The following LAMC1 variants were observed in gnomAD, a reference collection of about 807,000 sequenced individuals.
LAMC1 encodes laminin subunit gamma 1.
LAMC1 carries 38 observed loss-of-function variants against 173.6 expected under a neutral mutation model. The ratio of observed to expected loss-of-function variants is 0.22; its 90% confidence interval spans 0.17 to 0.29. The LOEUF (loss-of-function observed/expected upper bound fraction) is 0.29, where lower values mean the gene tolerates loss of function less well. Ranked by LOEUF, LAMC1 falls within the 10% of genes least tolerant of loss-of-function variation. LAMC1 has a pLI of 1.00. For missense variants in LAMC1, 1,824 were observed against 2,051.8 expected (o/e 0.89, Z 2.14); for synonymous variants, 746 against 749.1 (o/e 1.00, Z 0.07).
intron 25 of LAMC1, 48 bp from the exon 26 acceptor site, chr1:183,137,621 A>G (rs1241851203): frequency 2.2e-6 from 3 of 1,389,436 alleles, no homozygotes; most frequent in East Asian, 2.5e-5. Flanking sequence ...CATACTTGAG[A>G]AAAAGGAAAG....
rs1354561389 is a variant in LAMC1, at chr1:183,023,837, A to G, written c.121A>G (p.Thr41Ala). 3.7e-6 allele frequency: 6 copies of G among 1,600,808 alleles called. No homozygotes were observed. The highest frequency in any genetic ancestry group is 3.4e-6 in the Non-Finnish European group (4 of 1,173,282). ...TGCCCAGGCAGCCATGGACGAGTGCACGGACGAGGGCGGGCGGCCGCAGCG... is the reference window on the plus strand; with the variant it reads ...TGCCCAGGCAGCCATGGACGAGTGCGCGGACGAGGGCGGGCGGCCGCAGCG... Reference protein sequence around the residue: ...GCAQAAMDECTDEGGRPQRCM... With the variant: ...GCAQAAMDECADEGGRPQRCM... The change falls in exon 1 of 28, where the codon ACG becomes GCG. Residue 41 changes from threonine to alanine, a missense_variant. Coordinates refer to ENST00000258341, the MANE Select transcript of LAMC1 (RefSeq NM_002293.4).
Position 183,137,780 on chromosome 1 carries a change from A to G in LAMC1, c.4426A>G (p.Lys1476Glu). 1.9e-6 allele frequency: 3 copies of G among 1,611,926 alleles called. No homozygotes were observed. The highest frequency in any genetic ancestry group is 2.5e-6 in the Non-Finnish European group (3 of 1,178,770). The change falls in exon 26 of 28, where the codon AAG becomes GAG. Residue 1476 changes from lysine to glutamate, a missense_variant. Transcript: ENST00000258341. ...ACTGCAGGAAGCAGAAAAAGAGCTA[A>G]AGAGAAAACAAGATGACGCTGACCA... is the stretch of plus-strand genomic sequence containing the variant. ...KQLQEAEKEL[K>E]RKQDDADQDM...
At position 183,121,841 on chromosome 1, in the gene LAMC1, G is replaced by A. The variant is rs1181087694; in HGVS notation, c.2109G>A (p.Met703Ile). 3 of 1,614,082 alleles carry A rather than the reference G, an allele frequency of 1.9e-6. No homozygotes were observed. Among genetic ancestry groups the A allele is most frequent in the East Asian group, 4.5e-5 (2 of 44,892 alleles). The change falls in exon 12 of 28, where the codon ATG (methionine) becomes ATA (isoleucine). Residue 703 changes from methionine to isoleucine, a missense_variant. Physicochemically the swap from Met to Ile is conservative, Grantham distance 10. Transcript: ENST00000258341. Reference protein sequence around the residue: ...PVGYGGQFCEMCLSGYRRETP... With the variant: ...PVGYGGQFCEICLSGYRRETP... ...GATATGGAGGGCAGTTTTGTGAGATGTGCCTCTCAGGTTACAGAAGAGAAA... is the reference window on the plus strand; with the variant it reads ...GATATGGAGGGCAGTTTTGTGAGATATGCCTCTCAGGTTACAGAAGAGAAA...
intron 1 of LAMC1, among the ~76,000 whole-genome samples, chr1:183,061,832 G>C (rs1324474146): frequency 6.6e-6 from 1 of 152,196 alleles, no homozygotes; most frequent in East Asian, 1.9e-4. Flanking sequence ...GGGCTTCACA[G>C]ACATCATTTA....
intron 1 of LAMC1, among the ~76,000 whole-genome samples, chr1:183,025,012 C>T (rs4652765): frequency 0.5 from 75,877 of 152,096 alleles, 19,636 homozygotes; most frequent in South Asian, 0.64. Flanking sequence ...CATTGAGATA[C>T]GTAAATAGGC....
intron 11 of LAMC1, among the ~76,000 whole-genome samples, chr1:183,121,216 C>T (rs543199645): frequency 2.0e-5 from 3 of 150,246 alleles, no homozygotes; most frequent in African/African-American, 7.4e-5. Flanking sequence ...GTCAGGAGTT[C>T]GAGACCAGCC....
chr1:183,042,753 C>G (rs1204061190), intron 1 of LAMC1, among the ~76,000 whole-genome samples: 1 of 152,188 alleles, frequency 6.6e-6, no homozygotes, highest in East Asian at 1.9e-4. Context: ...CCTTCACTCC[C>G]TGACTTTACA....
At chr1:183,108,905 A>G (rs1322268721) in intron 3 of LAMC1, among the ~76,000 whole-genome samples, 1 of 152,242 alleles carries the variant, frequency 6.6e-6, no homozygotes, top group African/African-American at 2.4e-5. Flanking sequence ...CAGGCTAGAG[A>G]AGCAGATGGC....
At chr1:183,084,488 T>G (rs1013342766) in intron 1 of LAMC1, among the ~76,000 whole-genome samples, 1 of 152,218 alleles carries the variant, frequency 6.6e-6, no homozygotes, top group Non-Finnish European at 1.5e-5. Context: ...ACACTTTAGA[T>G]TACATATCCC....
chr1:183,133,639 C>T, intron 22 of LAMC1, 89 bp downstream of exon 22: 1 of 1,236,438 alleles, frequency 8.1e-7, no homozygotes, highest in Non-Finnish European at 1.1e-6. Flanking sequence ...CCTCTGTCCT[C>T]CCACTGACTC....
chr1:183,032,585 C>A (rs1350604669), intron 1 of LAMC1, among the ~76,000 whole-genome samples: 1 of 152,074 alleles, frequency 6.6e-6, no homozygotes, highest in Non-Finnish European at 1.5e-5. Flanking sequence ...TGCAGCGGTG[C>A]AGTCAGAGCT....
intron 2 of LAMC1, 155 bp downstream of exon 2, chr1:183,103,787 G>C (rs2102069858): frequency 5.5e-6 from 3 of 541,246 alleles, no homozygotes; most frequent in Non-Finnish European, 9.2e-6. Flanking sequence ...TCTGCTCTCT[G>C]TGTACTATTA....
intron 1 of LAMC1, among the ~76,000 whole-genome samples, chr1:183,042,742 G>A (rs1654169272): frequency 6.6e-6 from 1 of 152,162 alleles, no homozygotes; most frequent in South Asian, 2.1e-4. Flanking sequence ...TTAGTGCACA[G>A]CCTTCACTCC....
At position 183,124,081 on chromosome 1, in the gene LAMC1, A is replaced by G. The variant is rs112541364; in HGVS notation, c.2402-550A>G. ...ACTTATCCTCTCTGTTCTCTGAGCT[A>G]TAATATTTAATACAAGCAGTCAGCA... is the stretch of plus-strand genomic sequence containing the variant. On this transcript the variant is annotated intron_variant, in intron 13 of 27. Coordinates refer to ENST00000258341, the MANE Select transcript of LAMC1 (RefSeq NM_002293.4). 3.3e-5 allele frequency among the ~76,000 whole-genome samples: 5 copies of G among 152,298 alleles called. 1 individual carries two copies. Among genetic ancestry groups the G allele is most frequent in the African/African-American group, 9.6e-5 (4 of 41,562 alleles).
chr1:183,049,664 A>G (rs1654361218), intron 1 of LAMC1, among the ~76,000 whole-genome samples: 1 of 151,982 alleles, frequency 6.6e-6, no homozygotes, highest in Non-Finnish European at 1.5e-5. Flanking sequence ...GGGTTTCACC[A>G]TGTTGGCCAG....
chr1:183,119,505 A>AATCCTGG (rs1189718092), intron 11 of LAMC1, among the ~76,000 whole-genome samples: 6 of 152,172 alleles, frequency 3.9e-5, no homozygotes, highest in African/African-American at 1.4e-4. Context: ...AGAAGGATGG[A>AATCCTGG]ATCCTGGAAA....
At chr1:183,080,992 G>A (rs185544351) in intron 1 of LAMC1, among the ~76,000 whole-genome samples, 1 of 152,100 alleles carries the variant, frequency 6.6e-6, no homozygotes, top group African/African-American at 2.4e-5. Context: ...GGTTTCAAAC[G>A]GTTCTTCTGC....
intron 1 of LAMC1, among the ~76,000 whole-genome samples, chr1:183,075,893 G>C (rs1384472318): frequency 6.6e-6 from 1 of 152,188 alleles, no homozygotes; most frequent in Non-Finnish European, 1.5e-5. Context: ...AGATCCTTGA[G>C]TTCTGGGTAT....
At chr1:183,087,048 A>ACTCC (rs1358828172) in intron 1 of LAMC1, among the ~76,000 whole-genome samples, 3 of 151,892 alleles carry the variant, frequency 2.0e-5, no homozygotes, top group Admixed American at 6.6e-5. Context: ...GCTGCTCCTT[A>ACTCC]CTCCCTAGTA....
Sources: gnomAD v4.1 joint callset for allele counts (sites outside exome capture counted in the v4.1 genomes callset) on GRCh38, gnomAD v4.1.1 for gene constraint, MANE v1.5 for transcripts, NCBI Gene and HGNC (gene_info 2026-07-23, HGNC 2026-07-21) for gene names.